Variants in ARHGAP6 observed in about 807,000 individuals in gnomAD.
ARHGAP6 encodes Rho GTPase activating protein 6.
In ARHGAP6, 16 loss-of-function variants were observed where a neutral mutation model predicts 55.7. The observed-to-expected ratio is 0.29, with a 90% CI of 0.19 to 0.44. The LOEUF (loss-of-function observed/expected upper bound fraction) is 0.44. ARHGAP6 is among the 20% of genes least tolerant of loss of function. ARHGAP6 has a pLI of 1.00. For missense variants in ARHGAP6, 698 were observed against 808.9 expected, an observed-to-expected ratio of 0.86 and a Z score of 1.66; for synonymous variants, 382 against 360.9, an observed-to-expected ratio of 1.06 and a Z score of -0.66.
chrX:11,189,179 T>C (rs1423427547), intron 3 of ARHGAP6, among the ~76,000 whole-genome samples, 195 bp from the exon 4 acceptor site: 1 of 112,200 alleles, frequency 8.9e-6, no homozygotes, highest in Non-Finnish European at 1.9e-5. Context: ...AAAACTAGTA[T>C]TTATAAACAC....
chrX:11,617,873 T>A (rs1033604423), intron 1 of ARHGAP6, among the ~76,000 whole-genome samples: 1 of 111,308 alleles, frequency 9.0e-6, no homozygotes, highest in African/African-American at 3.3e-5. Context: ...ATGCTATGGG[T>A]GCCAGTGAGC....
intron 1 of ARHGAP6, among the ~76,000 whole-genome samples, chrX:11,642,151 T>C (rs928002139): frequency 8.9e-6 from 1 of 111,788 alleles, no homozygotes; most frequent in Non-Finnish European, 1.9e-5. Flanking sequence ...TTTTAATAGA[T>C]GTAGTACATC....
chrX:11,581,873 A>G (rs1445098347), intron 1 of ARHGAP6, among the ~76,000 whole-genome samples: 1 of 111,117 alleles, frequency 9.0e-6, no homozygotes, highest in African/African-American at 3.3e-5. Flanking sequence ...ATCTGTGACT[A>G]TACTAAAAAC....
At chrX:11,373,072 AT>A (rs1410678518) in intron 1 of ARHGAP6, among the ~76,000 whole-genome samples, 1 of 90,346 alleles carries the variant, frequency 1.1e-5, no homozygotes, top group Non-Finnish European at 2.1e-5. Flanking sequence ...AATATTTTCT[AT>A]TTTTTTCACA....
At chrX:11,434,841 G>A (rs2049972426) in intron 1 of ARHGAP6, among the ~76,000 whole-genome samples, 1 of 111,912 alleles carries the variant, frequency 8.9e-6, no homozygotes, top group African/African-American at 3.3e-5. Flanking sequence ...GAGAGGATGA[G>A]CCAGGGAGTT....
chrX:11,139,400 C>A lies in ARHGAP6; in HGVS notation c.2388G>T (p.Gly796=), dbSNP rs2045589692. Residue 796 remains glycine (G), a synonymous_variant, in exon 13 of 13, where the codon GGG becomes GGT. Transcript: ENST00000337414. Reference sequence around the variant, plus strand: ...GGGCTGCGGCCTGAGTCCTCCGAGCCCCCTGCGTGTCGCTGTCCAGCTCTG... The same window carrying A: ...GGGCTGCGGCCTGAGTCCTCCGAGCACCCTGCGTGTCGCTGTCCAGCTCTG... ...SPAELDSDTQ[G]ARRTQAAAPA... is the part of the protein sequence containing the mutation. 1 of 1,186,997 alleles carries A rather than the reference C, an allele frequency of 8.4e-7. No individual in the cohort carries two copies. Among genetic ancestry groups the A allele is most frequent in the African/African-American group, 1.8e-5 (1 of 56,624 alleles).
At chrX:11,175,251 C>A (rs1049776846) in intron 8 of ARHGAP6, among the ~76,000 whole-genome samples, 1 of 112,051 alleles carries the variant, frequency 8.9e-6, no homozygotes, top group African/African-American at 3.2e-5. Context: ...TGCTCCGTAG[C>A]CTTTACTACA....
chrX:11,174,643 C>CTCTTTCT (rs1569241616), intron 8 of ARHGAP6, among the ~76,000 whole-genome samples: 43 of 71,597 alleles, frequency 6.0e-4, no homozygotes, highest in Admixed American at 8.3e-4. Context: ...TTCTTTCTTT[C>CTCTTTCT]TTTCTTTCTT....
At chrX:11,504,334 T>C (rs940397998) in intron 1 of ARHGAP6, among the ~76,000 whole-genome samples, 23 of 111,679 alleles carry the variant, frequency 2.1e-4, no homozygotes, top group African/African-American at 6.8e-4. Flanking sequence ...AGATAATTTG[T>C]TGTTGTCAGG....
chrX:11,399,354 C>CAAAAAAAA (rs56197001), intron 1 of ARHGAP6, among the ~76,000 whole-genome samples: 1 of 35,361 alleles, frequency 2.8e-5, no homozygotes, highest in Non-Finnish European at 5.0e-5. Context: ...AATAAGCAAT[C>CAAAAAAAA]AAAAAAAAAA....
intron 1 of ARHGAP6, among the ~76,000 whole-genome samples, chrX:11,622,794 G>A (rs916079425): frequency 1.8e-5 from 2 of 111,204 alleles, no homozygotes; most frequent in African/African-American, 6.5e-5. Flanking sequence ...ATATGGATTA[G>A]AAATTTTGCT....
At chrX:11,436,890 G>A (rs2049992053) in intron 1 of ARHGAP6, among the ~76,000 whole-genome samples, 2 of 100,096 alleles carry the variant, frequency 2.0e-5, no homozygotes, top group South Asian at 5.5e-4. Flanking sequence ...TTGAGGAGTT[G>A]AGGGGGGGAT....
At chrX:11,187,670 G>A (rs2046403201) in intron 4 of ARHGAP6, among the ~76,000 whole-genome samples, 1 of 111,902 alleles carries the variant, frequency 8.9e-6, no homozygotes, top group Non-Finnish European at 1.9e-5. Context: ...GGTTTTAAGT[G>A]GGAAGTGTCT....
At chrX:11,234,294 A>C (rs915453064) in intron 2 of ARHGAP6, among the ~76,000 whole-genome samples, 1 of 112,248 alleles carries the variant, frequency 8.9e-6, no homozygotes, top group Admixed American at 9.4e-5. Context: ...TTACTTCACT[A>C]GTTCATACCT....
At chrX:11,417,354 C>A (rs766940357) in intron 1 of ARHGAP6, among the ~76,000 whole-genome samples, 1 of 107,780 alleles carries the variant, frequency 9.3e-6, no homozygotes, top group Admixed American at 1.0e-4. Context: ...GATGTGAATA[C>A]AAAGGGGTAG....
At chrX:11,502,260 C>T (rs899262121) in intron 1 of ARHGAP6, among the ~76,000 whole-genome samples, 1 of 112,334 alleles carries the variant, frequency 8.9e-6, no homozygotes, top group Admixed American at 9.5e-5. Flanking sequence ...CATGTGATTA[C>T]ATTTGTATAA....
intron 10 of ARHGAP6, among the ~76,000 whole-genome samples, chrX:11,153,547 AAAG>A (rs1157620973): frequency 3.8e-5 from 4 of 106,545 alleles, no homozygotes; most frequent in African/African-American, 1.0e-4. Flanking sequence ...AAAAAAAAAA[AAAG>A]GCAACTACAG....
intron 1 of ARHGAP6, among the ~76,000 whole-genome samples, chrX:11,421,806 G>A (rs1316460255): frequency 8.9e-6 from 1 of 111,913 alleles, no homozygotes; most frequent in Admixed American, 9.5e-5. Context: ...TCAAAGGATT[G>A]ATTCCAAGTC....
chrX:11,238,869 T>C (rs2047238179), intron 2 of ARHGAP6, among the ~76,000 whole-genome samples: 2 of 111,991 alleles, frequency 1.8e-5, no homozygotes, highest in South Asian at 3.7e-4. Context: ...CAGGAGCCCC[T>C]GAACCAGAAC....
Sources: gnomAD v4.1 joint callset for allele counts (sites outside exome capture counted in the v4.1 genomes callset) on GRCh38, gnomAD v4.1.1 for gene constraint, MANE v1.5 for transcripts, NCBI Gene and HGNC (gene_info 2026-07-23, HGNC 2026-07-21) for gene names.